The following COL22A1 variants were observed in gnomAD, a reference collection of about 807,000 sequenced individuals.
The protein encoded by COL22A1 is collagen alpha-1(XXII) chain.
Under a neutral mutation model 248.9 loss-of-function variants are expected in COL22A1, and 221 were observed. The ratio of observed to expected loss-of-function variants is 0.89; its 90% CI spans 0.80 to 0.99. COL22A1 has a LOEUF of 0.99. Ranked by LOEUF, COL22A1 falls within the 50% of genes least tolerant of loss-of-function variation. The probability of loss-of-function intolerance (pLI) is 0.00; values close to 1 mark genes in which losing one functional copy is unlikely to be tolerated. For synonymous variants in COL22A1, 891 were observed against 793.4 expected, an observed-to-expected ratio of 1.12 and a Z score of -2.07; for missense variants, 2,240 against 2,179.0, an observed-to-expected ratio of 1.03 and a Z score of -0.56.
rs80014866 is a variant in COL22A1, at chr8:138,747,697, G to A, written c.2085+3761C>T. On this transcript the variant is annotated intron_variant, in intron 22 of 64. Coordinates refer to ENST00000303045, the MANE Select transcript of COL22A1 (RefSeq NM_152888.3). ...GCCTGCCAGAATATAAACAGCATGA[G>A]GGCAGGAGCTTCCTTCTTCCTGAAC... 5.7e-3 allele frequency among the ~76,000 whole-genome samples: 871 copies of A among 152,272 alleles called. 8 individuals are homozygous for A. Among genetic ancestry groups the A allele is most frequent in the African/African-American group, 0.02 (832 of 41,540 alleles).
intron 41 of COL22A1, among the ~76,000 whole-genome samples, chr8:138,669,866 A>G (rs1301373373): frequency 6.6e-6 from 1 of 151,422 alleles, no homozygotes; most frequent in Non-Finnish European, 1.5e-5. Context: ...ATCTCCATCA[A>G]CAGAAGAAAC....
chr8:138,725,243 C>T (rs1274736516), intron 24 of COL22A1, 144 bp downstream of exon 24: 4 of 856,380 alleles, frequency 4.7e-6, no homozygotes, highest in South Asian at 2.7e-5. Context: ...GGCGGTTCTA[C>T]GTGTCGGGGT....
At position 138,693,655 on chromosome 8, in the gene COL22A1, A is replaced by C; in HGVS notation, c.2745T>G (p.Ala915=). The part of the protein sequence containing the change: ...QEGAHGAPGA[A]GNPGAPGHVG... Reference sequence around the variant, plus strand: ...GATCATAGGGACTCACGGGGTTTCCAGCTGCTCCAGGAGCCCCATGTGCAC... The same window carrying C: ...GATCATAGGGACTCACGGGGTTTCCCGCTGCTCCAGGAGCCCCATGTGCAC... Residue 915 remains alanine, a synonymous_variant, in exon 35 of 65, where the codon GCT becomes GCG. Transcript: ENST00000303045. 6.3e-7 allele frequency: 1 copy of C among 1,585,688 alleles called. No individual in the cohort carries two copies. The highest frequency in any genetic ancestry group is 8.6e-7 in the Non-Finnish European group (1 of 1,165,844).
rs767851995 is a variant in COL22A1, at chr8:138,591,495, C to T, written c.4622G>A (p.Arg1541Gln). ...PSGPIGPKGE[R>Q]GAKGDPGAPG... Reference sequence around the variant, plus strand: ...TGCACCTGGGTCACCTTTGGCTCCTCGCTCACCTGGGAAGAAAAACATGCA... The same window carrying T: ...TGCACCTGGGTCACCTTTGGCTCCTTGCTCACCTGGGAAGAAAAACATGCA... The change falls in exon 64 of 65, where the codon CGA becomes CAA. Residue 1541 changes from arginine to glutamine, a missense_variant. Physicochemically the swap from Arg to Gln is conservative, Grantham distance 43. Transcript: ENST00000303045. 9.7e-6 allele frequency: 15 copies of T among 1,546,476 alleles called. No individual in the cohort carries two copies. Among genetic ancestry groups the T allele is most frequent in the Admixed American group, 5.8e-5 (3 of 51,576 alleles).
chr8:138,821,486 TCA>T, intron 6 of COL22A1, 75 bp from the exon 7 acceptor site: 1 of 1,458,350 alleles, frequency 6.9e-7, no homozygotes, highest in Middle Eastern at 1.8e-4. Flanking sequence ...AAACGGGAGT[TCA>T]GAGTCAGACC....
At chr8:138,717,578 C>T (rs940808572) in intron 27 of COL22A1, among the ~76,000 whole-genome samples, 5 of 152,112 alleles carry the variant, frequency 3.3e-5, no homozygotes, top group African/African-American at 1.2e-4. Context: ...ATTATCCCAC[C>T]TCAACCTCCT....
chr8:138,893,229 G>T (rs984925496), intron 1 of COL22A1, among the ~76,000 whole-genome samples: 24 of 152,302 alleles, frequency 1.6e-4, no homozygotes, highest in Admixed American at 2.6e-4. Context: ...TGCCAGACCA[G>T]ACACTGTCAC....
chr8:138,716,458 G>A (rs889477598), intron 28 of COL22A1, among the ~76,000 whole-genome samples, 169 bp from the exon 29 acceptor site: 1 of 152,176 alleles, frequency 6.6e-6, no homozygotes, highest in Non-Finnish European at 1.5e-5. Context: ...AGAGAATTTC[G>A]TTCACTAGGG....
intron 11 of COL22A1, among the ~76,000 whole-genome samples, chr8:138,801,880 C>CAA (rs34202495): frequency 1.2e-4 from 17 of 146,902 alleles, no homozygotes; most frequent in Middle Eastern, 6.9e-3. Context: ...GACTTTATCT[C>CAA]AAAAAAAAAA....
rs1309181296 is a variant in COL22A1, at chr8:138,877,691, T to C, written c.658+59A>G. 4 of 1,477,032 alleles carry C rather than the reference T, an allele frequency of 2.7e-6. No individual in the cohort carries two copies. The East Asian group carries it at 9.4e-5, about 35-fold the overall frequency. The allele number at this position is 1,477,032 out of a possible 1,614,324, so 91.5% of individuals were successfully genotyped here. ...CCTATCTGCCCGAGGACCCCTCCCG[T>C]GGGCTCAGCAGGGGGCGTCACTCTT... is the stretch of plus-strand genomic sequence containing the variant. On this transcript the variant is annotated intron_variant, in intron 3 of 64. Transcript: ENST00000303045.
chr8:138,878,943 G>A (rs987921190), intron 2 of COL22A1, among the ~76,000 whole-genome samples: 11 of 152,144 alleles, frequency 7.2e-5, no homozygotes, highest in Non-Finnish European at 1.0e-4. Context: ...GGGAGGCGGA[G>A]CTTGTGGTGA....
At position 138,716,410 on chromosome 8, in the gene COL22A1, T is replaced by C. The variant is rs542153804; in HGVS notation, c.2401-121A>G. On this transcript the variant is annotated intron_variant, in intron 28 of 64. Coordinates refer to ENST00000303045, the MANE Select transcript of COL22A1 (RefSeq NM_152888.3). ...TGGAGATGTTCTGGCTTAGTGGACA[T>C]CACATGGAAAGCAATGCAGTGGAGA... is the stretch of plus-strand genomic sequence containing the variant. 148 of 692,090 alleles carry C rather than the reference T, an allele frequency of 2.1e-4. 2 individuals are homozygous for C. The highest frequency in any genetic ancestry group is 8.5e-4 in the Admixed American group (29 of 34,218). 42.9% of individuals were successfully genotyped at this position (692,090 alleles called of 1,614,324 possible). A position where few individuals can be genotyped will look rare whatever the true frequency, so the allele number is the denominator to read the frequency against.
At position 138,830,580 on chromosome 8, in the gene COL22A1, G is replaced by A. The variant is rs79309989; in HGVS notation, c.845+2459C>T. The stretch of plus-strand genomic sequence containing the variant: ...AGAGCAACTCTCAGAGAACAGGAAG[G>A]AGCCAAATCCGTGACCGGAATCGGG... On this transcript the variant is annotated intron_variant, in intron 5 of 64. Transcript: ENST00000303045. Among the ~76,000 whole-genome samples the A allele has an allele frequency of 2.0e-4, 30 of 152,268 alleles. No homozygotes were observed. The East Asian group carries it at 5.6e-3, about 29-fold the overall frequency.
chr8:138,624,358 G>T (rs552474723), intron 51 of COL22A1, among the ~76,000 whole-genome samples: 8 of 152,114 alleles, frequency 5.3e-5, no homozygotes, highest in Non-Finnish European at 7.4e-5. Flanking sequence ...GAACAAAGCT[G>T]GGGTCGTTCA....
At chr8:138,890,690 G>A (rs961298449) in intron 1 of COL22A1, among the ~76,000 whole-genome samples, 2 of 152,008 alleles carry the variant, frequency 1.3e-5, no homozygotes, top group Admixed American at 6.6e-5. Context: ...CAAATTCAAC[G>A]AAGTATAAGA....
At chr8:138,692,618 C>T (rs1827185372) in intron 35 of COL22A1, among the ~76,000 whole-genome samples, 1 of 152,024 alleles carries the variant, frequency 6.6e-6, no homozygotes, top group Non-Finnish European at 1.5e-5. Context: ...GGTGGGTCAA[C>T]TCTATAGGTG....
chr8:138,699,971 C>A, intron 32 of COL22A1, 141 bp downstream of exon 32: 1 of 786,424 alleles, frequency 1.3e-6, no homozygotes, highest in Non-Finnish European at 2.1e-6. Flanking sequence ...TCAGGACAAG[C>A]CCAGCAGCCC....
At chr8:138,623,262 ATGTGTGTGTGTGTGTGTGTG>A (rs5895542) in intron 52 of COL22A1, among the ~76,000 whole-genome samples, 2 of 143,494 alleles carry the variant, frequency 1.4e-5, no homozygotes, top group African/African-American at 5.3e-5. Context: ...ATATATATTT[ATGTGTGTGTGTGTGTGTGTG>A]TGTGTGTGTG....
intron 49 of COL22A1, among the ~76,000 whole-genome samples, chr8:138,634,648 G>A (rs1420198888): frequency 1.3e-5 from 2 of 152,066 alleles, no homozygotes; most frequent in Non-Finnish European, 2.9e-5. Context: ...CATAACATGG[G>A]GAAAGCTGCT....
Sources: gnomAD v4.1 joint callset for allele counts (sites outside exome capture counted in the v4.1 genomes callset) on GRCh38, gnomAD v4.1.1 for gene constraint, MANE v1.5 for transcripts, NCBI Gene and HGNC (gene_info 2026-07-23, HGNC 2026-07-21) for gene names.